Variants in VOPP1 observed in about 807,000 individuals in gnomAD.
VOPP1 encodes VOPP1 WW domain binding protein.
VOPP1 carries 8 observed loss-of-function variants against 23.5 expected under a neutral mutation model. The observed-to-expected ratio is 0.34, with a 90% CI of 0.20 to 0.61. The LOEUF (loss-of-function observed/expected upper bound fraction) is 0.61. Among genes scored for constraint, VOPP1 ranks in the 20% least tolerant of loss-of-function variants. VOPP1 has a pLI of 0.78. For synonymous variants in VOPP1, 83 were observed against 97.3 expected, an observed-to-expected ratio of 0.85 and a Z score of 0.86; for missense variants, 174 against 238.1, an observed-to-expected ratio of 0.73 and a Z score of 1.77.
At chr7:55,561,354 C>T (rs1452839906) in intron 1 of VOPP1, among the ~76,000 whole-genome samples, 3 of 152,138 alleles carry the variant, frequency 2.0e-5, no homozygotes, top group Non-Finnish European at 4.4e-5. Context: ...CCAAGCCCAT[C>T]CCCCTCACTG....
intron 1 of VOPP1, chr7:55,521,687 T>TAA: frequency 1.0e-6 from 1 of 987,068 alleles, no homozygotes; most frequent in Non-Finnish European, 1.2e-6. Context: ...GCTTTCCAGG[T>TAA]AAGTCCAGCT....
chr7:55,516,457 A>G (rs1008367485), intron 2 of VOPP1, among the ~76,000 whole-genome samples: 1 of 152,224 alleles, frequency 6.6e-6, no homozygotes, highest in Non-Finnish European at 1.5e-5. Context: ...AAGAGGTGAG[A>G]GTAATTTTGT....
At chr7:55,543,491 T>A (rs1323388906) in intron 1 of VOPP1, among the ~76,000 whole-genome samples, 1 of 152,186 alleles carries the variant, frequency 6.6e-6, no homozygotes, top group Non-Finnish European at 1.5e-5. Flanking sequence ...CTGAAGAGCC[T>A]CCATACTGCT....
chr7:55,544,641 A>C (rs530986030), intron 1 of VOPP1, among the ~76,000 whole-genome samples: 2 of 152,354 alleles, frequency 1.3e-5, no homozygotes, highest in East Asian at 3.9e-4. Flanking sequence ...ACCAGAGGGG[A>C]AACTGAAACT....
At chr7:55,563,898 G>A (rs1204579862) in intron 1 of VOPP1, among the ~76,000 whole-genome samples, 2 of 152,152 alleles carry the variant, frequency 1.3e-5, no homozygotes, top group Non-Finnish European at 2.9e-5. Context: ...GAGTATAAGA[G>A]CCAAAATTTT....
At chr7:55,552,564 T>C (rs1396517120) in intron 1 of VOPP1, 3 of 1,529,904 alleles carry the variant, frequency 2.0e-6, no homozygotes, top group South Asian at 1.2e-5. Flanking sequence ...GGGTGACAAA[T>C]GAAGTCTAGG....
intron 2 of VOPP1, 103 bp downstream of exon 2, chr7:55,520,969 C>A (rs1240586404): frequency 5.5e-6 from 7 of 1,266,436 alleles, no homozygotes; most frequent in African/African-American, 1.5e-5. Context: ...AGAGGCTGGG[C>A]CACGCCGGGC....
intron 4 of VOPP1, among the ~76,000 whole-genome samples, chr7:55,445,397 T>A (rs1791077443): frequency 6.6e-6 from 1 of 152,176 alleles, no homozygotes; most frequent in Non-Finnish European, 1.5e-5. Context: ...AACTGCCACA[T>A]AATCATAATA....
intron 4 of VOPP1, among the ~76,000 whole-genome samples, chr7:55,442,352 G>A (rs956492268): frequency 1.3e-5 from 2 of 152,196 alleles, no homozygotes; most frequent in South Asian, 2.1e-4. Flanking sequence ...GTGGACTGGA[G>A]AGTGACATCA....
intron 1 of VOPP1, among the ~76,000 whole-genome samples, chr7:55,543,147 C>T (rs1314525149): frequency 1.3e-5 from 2 of 152,110 alleles, no homozygotes; most frequent in Non-Finnish European, 2.9e-5. Context: ...GATCTCCTGA[C>T]CTCATGATCC....
chr7:55,468,188 T>C (rs1562888567), downstream of VOPP1, among the ~76,000 whole-genome samples: 1 of 150,930 alleles, frequency 6.6e-6, no homozygotes, highest in African/African-American at 2.4e-5. Flanking sequence ...GGAGAATCCC[T>C]TGAACCCGGG....
At chr7:55,485,292 T>C (rs9656707) in intron 4 of VOPP1, among the ~76,000 whole-genome samples, 48,087 of 152,084 alleles carry the variant, frequency 0.32, 8,150 homozygotes, top group Non-Finnish European at 0.39. Context: ...CTGAAAATAC[T>C]GATACTCAAC....
At chr7:55,438,375 T>C (rs1019986555) in intron 4 of VOPP1, among the ~76,000 whole-genome samples, 1 of 151,934 alleles carries the variant, frequency 6.6e-6, no homozygotes, top group Non-Finnish European at 1.5e-5. Context: ...AGTCTAGCAG[T>C]TGGAGACAGT....
chr7:55,562,654 T>C (rs1798027201), intron 1 of VOPP1, among the ~76,000 whole-genome samples: 1 of 151,710 alleles, frequency 6.6e-6, no homozygotes, highest in Non-Finnish European at 1.5e-5. Context: ...GCATGATGGG[T>C]AGAAGTAAGG....
intron 4 of VOPP1, among the ~76,000 whole-genome samples, chr7:55,474,629 G>A (rs1439747688): frequency 2.6e-5 from 4 of 152,218 alleles, no homozygotes; most frequent in Non-Finnish European, 4.4e-5. Context: ...AAGAATTAGC[G>A]CCTTACCAAG....
At chr7:55,552,454 T>G (rs567584984) in intron 1 of VOPP1, among the ~76,000 whole-genome samples, 3 of 152,282 alleles carry the variant, frequency 2.0e-5, no homozygotes, top group Non-Finnish European at 4.4e-5. Context: ...GGATGCCAGC[T>G]ACCCCTTATT....
intron 1 of VOPP1, among the ~76,000 whole-genome samples, chr7:55,545,081 A>G (rs1337971428): frequency 1.3e-5 from 2 of 152,252 alleles, no homozygotes; most frequent in African/African-American, 4.8e-5. Flanking sequence ...AACCAGCTAA[A>G]TAAGAGTTGA....
chr7:55,444,735 A>C (rs1277564977), intron 4 of VOPP1, among the ~76,000 whole-genome samples: 1 of 149,500 alleles, frequency 6.7e-6, no homozygotes, highest in Non-Finnish European at 1.5e-5. Context: ...TTTTAAATCT[A>C]AACAGTTGTC....
chr7:55,445,817 T>G (rs1177657567), intron 4 of VOPP1, among the ~76,000 whole-genome samples: 2 of 152,206 alleles, frequency 1.3e-5, no homozygotes, highest in Non-Finnish European at 2.9e-5. Context: ...TTTAATTTGA[T>G]GAGGATTAAC....
Sources: allele counts gnomAD v4.1 joint callset (sites outside exome capture counted in the v4.1 genomes callset), GRCh38; gene constraint gnomAD v4.1.1; transcripts MANE v1.5; gene names NCBI Gene and HGNC (gene_info 2026-07-23, HGNC 2026-07-21).